LGSN: variants seen among roughly 807,000 people sequenced by gnomAD.
LGSN encodes lengsin.
LGSN carries 21 observed loss-of-function variants against 19.5 expected under a neutral mutation model. The ratio of observed to expected loss-of-function variants is 1.07; its 90% confidence interval spans 0.76 to 1.55. The LOEUF is 1.55. Ranked by LOEUF, LGSN falls within the 40% of genes most tolerant of loss-of-function variation. The pLI is 0.00. For synonymous variants in LGSN, 257 were observed against 215.6 expected, an observed-to-expected ratio of 1.19 and a Z score of -1.68; for missense variants, 673 against 608.5, an observed-to-expected ratio of 1.11 and a Z score of -1.12.
At chr6:63,330,169 C>T in the LGSN span, among the ~76,000 whole-genome samples, 43 of 152,284 alleles carry the variant, frequency 2.8e-4, no homozygotes, top group East Asian at 6.4e-3. Context: ...TGGACATGGA[C>T]GAGGGTGCAG....
the LGSN span, among the ~76,000 whole-genome samples, chr6:63,329,267 G>A: frequency 4.6e-5 from 7 of 152,200 alleles, no homozygotes; most frequent in South Asian, 2.1e-4. Flanking sequence ...AAGTTGGGAC[G>A]TGTGGTCTGT....
the LGSN span, among the ~76,000 whole-genome samples, chr6:63,411,583 T>C: frequency 6.6e-6 from 1 of 152,230 alleles, no homozygotes; most frequent in Non-Finnish European, 1.5e-5. Flanking sequence ...GCTACACCTG[T>C]AATCCGAGTA....
the LGSN span, among the ~76,000 whole-genome samples, chr6:63,563,459 A>T: frequency 6.6e-6 from 1 of 152,126 alleles, no homozygotes; most frequent in African/African-American, 2.4e-5. Flanking sequence ...ATTCATTCTC[A>T]TCATTTAGAT....
the LGSN span, among the ~76,000 whole-genome samples, chr6:63,450,968 C>A: frequency 1.1e-4 from 17 of 152,176 alleles, no homozygotes; most frequent in African/African-American, 3.9e-4. Context: ...AGCCACCACA[C>A]CCGGCTGTAA....
chr6:63,309,323 T>TC (rs1279804997), intron 1 of LGSN, among the ~76,000 whole-genome samples: 2 of 152,090 alleles, frequency 1.3e-5, no homozygotes, highest in African/African-American at 4.8e-5. Flanking sequence ...TCCCAGCTAC[T>TC]CCAGAGGCTG....
chr6:63,515,541 A>G, the LGSN span, among the ~76,000 whole-genome samples: 1 of 152,186 alleles, frequency 6.6e-6, no homozygotes, highest in Non-Finnish European at 1.5e-5. Context: ...TCTAAAAAAT[A>G]TTGATAAATT....
chr6:63,350,123 C>T, the LGSN span, among the ~76,000 whole-genome samples: 2 of 152,118 alleles, frequency 1.3e-5, no homozygotes, highest in African/African-American at 4.8e-5. Context: ...TAGCAAAAAC[C>T]GCAAATACTT....
At chr6:63,409,927 T>C in the LGSN span, among the ~76,000 whole-genome samples, 1 of 151,986 alleles carries the variant, frequency 6.6e-6, no homozygotes, top group Non-Finnish European at 1.5e-5. Context: ...TCCCAGCTAT[T>C]CGGGAGGCTG....
the LGSN span, among the ~76,000 whole-genome samples, chr6:63,481,592 C>T: frequency 1.3e-5 from 2 of 151,966 alleles, no homozygotes; most frequent in East Asian, 3.9e-4. Context: ...GTGATCCGCC[C>T]GCCTCAGCCT....
At chr6:63,523,199 T>A in the LGSN span, among the ~76,000 whole-genome samples, 1 of 152,120 alleles carries the variant, frequency 6.6e-6, no homozygotes, top group African/African-American at 2.4e-5. Flanking sequence ...ACATCACTCT[T>A]ACGAGTCATC....
At chr6:63,521,803 A>G in the LGSN span, 1 of 152,204 alleles carries the variant, frequency 6.6e-6, no homozygotes, top group Admixed American at 6.5e-5. Flanking sequence ...ATAATCATCA[A>G]TCTGAAAAGC....
chr6:63,390,349 C>G, the LGSN span, among the ~76,000 whole-genome samples: 1 of 151,312 alleles, frequency 6.6e-6, no homozygotes, highest in African/African-American at 2.4e-5. Flanking sequence ...AGGCTGGTCT[C>G]AAACTCCTAA....
Position 63,280,287 on chromosome 6 carries a change from C to T in LGSN, c.1264G>A (p.Ala422Thr). 1 of 1,614,216 alleles carries T rather than the reference C, an allele frequency of 6.2e-7. No homozygotes were observed. The highest frequency in any genetic ancestry group is 1.3e-5 in the African/African-American group (1 of 75,056). The stretch of plus-strand genomic sequence containing the variant: ...CCATCTAAGCCGGCAGCAACAGTTG[C>T]AGCCAGCACCAAGTAAGGGTTTGCT... ...ATANPYLVLA[A>T]TVAAGLDGLH... Residue 422 changes from alanine to threonine, a missense_variant, in exon 4 of 4, where the codon GCA (alanine) becomes ACA (threonine). Ala to Thr is a moderately conservative substitution (Grantham distance 58). Coordinates refer to ENST00000370657, the MANE Select transcript of LGSN (RefSeq NM_016571.3).
At chr6:63,473,782 T>A in the LGSN span, among the ~76,000 whole-genome samples, 1 of 147,968 alleles carries the variant, frequency 6.8e-6, no homozygotes, top group Non-Finnish European at 1.5e-5. Flanking sequence ...GTCTCACACA[T>A]GTCCTTCTTG....
the LGSN span, among the ~76,000 whole-genome samples, chr6:63,462,170 A>T: frequency 6.6e-6 from 1 of 152,186 alleles, no homozygotes; most frequent in Non-Finnish European, 1.5e-5. Flanking sequence ...ATCTTATAAA[A>T]ACTTCTCTCA....
chr6:63,392,713 T>C, the LGSN span: 1 of 152,098 alleles, frequency 6.6e-6, no homozygotes, highest in Admixed American at 6.6e-5. Flanking sequence ...AGAAATTACT[T>C]AGGCAGATAA....
At chr6:63,532,079 G>A in the LGSN span, among the ~76,000 whole-genome samples, 9 of 152,224 alleles carry the variant, frequency 5.9e-5, no homozygotes, top group East Asian at 1.9e-4. Flanking sequence ...GATTACAGGC[G>A]TGAGCCACCA....
At chr6:63,412,148 CT>C in the LGSN span, among the ~76,000 whole-genome samples, 2 of 152,038 alleles carry the variant, frequency 1.3e-5, no homozygotes, top group Admixed American at 6.6e-5. Context: ...GGGCAGATCA[CT>C]TGAGGTCAGG....
the LGSN span, among the ~76,000 whole-genome samples, chr6:63,421,217 T>C: frequency 1.0e-3 from 140 of 137,214 alleles, no homozygotes; most frequent in East Asian, 0.023. Context: ...AAGTCAGGAG[T>C]TCAAGACCAG....
Sources: gnomAD v4.1 joint callset for allele counts (sites outside exome capture counted in the v4.1 genomes callset) on GRCh38, gnomAD v4.1.1 for gene constraint, MANE v1.5 for transcripts, NCBI Gene and HGNC (gene_info 2026-07-23, HGNC 2026-07-21) for gene names.